Variants in DAB1 observed in about 807,000 individuals in gnomAD.
DAB1 encodes disabled homolog 1.
A neutral mutation model predicts 64.6 loss-of-function variants in DAB1; 15 were observed. The ratio of observed to expected loss-of-function variants is 0.23; its 90% confidence interval spans 0.16 to 0.36. The LOEUF (loss-of-function observed/expected upper bound fraction) is 0.36. Ranked by LOEUF, DAB1 falls within the 10% of genes least tolerant of loss-of-function variation. The probability of loss-of-function intolerance (pLI) is 1.00; values close to 1 mark genes in which losing one functional copy is unlikely to be tolerated. For synonymous variants in DAB1, 235 were observed against 251.9 expected (o/e 0.93, Z 0.64); for missense variants, 596 against 706.7 (o/e 0.84, Z 1.78).
intron 1 of DAB1, among the ~76,000 whole-genome samples, chr1:57,384,150 A>G (rs1288843012): frequency 1.3e-5 from 2 of 152,208 alleles, no homozygotes; most frequent in Non-Finnish European, 2.9e-5. Context: ...GATGCCCAAC[A>G]TCACCAATCA....
intron 4 of DAB1, among the ~76,000 whole-genome samples, chr1:57,094,122 A>G (rs1653939965): frequency 6.6e-6 from 1 of 151,662 alleles, no homozygotes; most frequent in Admixed American, 6.6e-5. Context: ...AAAAAAAAAA[A>G]AAAGGAATCT....
chr1:58,493,367 T>G (rs1645734695), intron 3 of DAB1, among the ~76,000 whole-genome samples: 1 of 152,174 alleles, frequency 6.6e-6, no homozygotes, highest in Admixed American at 6.5e-5. Flanking sequence ...AAGACAGGGA[T>G]GCCCTCTCTC....
At chr1:57,605,906 T>A (rs910491122) in intron 7 of DAB1, 11 of 678,042 alleles carry the variant, frequency 1.6e-5, no homozygotes, top group Middle Eastern at 8.4e-4. Flanking sequence ...ATGGAAGTAA[T>A]CTGCTTAACA....
At chr1:58,052,957 G>T (rs923020217) in intron 5 of DAB1, among the ~76,000 whole-genome samples, 1 of 152,128 alleles carries the variant, frequency 6.6e-6, no homozygotes, top group Non-Finnish European at 1.5e-5. Flanking sequence ...CATTATGGAA[G>T]GCAAAGAAGT....
chr1:57,877,551 T>TATAATTACAAAAGTTACACATACTCA (rs1292013391), intron 1 of DAB1, among the ~76,000 whole-genome samples: 4 of 87,112 alleles, frequency 4.6e-5, no homozygotes, highest in African/African-American at 1.0e-4. Context: ...ATTTATTTTT[T>TATAATTACAAAAGTTACACATACTCA]TTTTTTTTTT....
Position 57,145,321 on chromosome 1 carries a change from T to A in DAB1, c.176A>T (p.Lys59Met). The A allele has an allele frequency of 6.2e-7, 1 of 1,614,138 alleles. No homozygotes were observed. The highest frequency in any genetic ancestry group is 8.5e-7 in the Non-Finnish European group (1 of 1,179,982). Reference sequence around the variant, plus strand: ...TTTCATCATGGAATCTTGACATAACTTGTCTCCCCGAGCTGCGGAAACTTC... The same window carrying A: ...TTTCATCATGGAATCTTGACATAACATGTCTCCCCGAGCTGCGGAAACTTC... ...IDEVSAARGD[K>M]LCQDSMMKLK... Residue 59 changes from lysine (K) to methionine (M), a missense_variant, in exon 3 of 15, where the codon AAG becomes ATG. By Grantham distance (95) the Lys-to-Met change is moderately conservative. Transcript: ENST00000371236.
chr1:58,528,235 G>T (rs1646381935), intron 1 of DAB1, among the ~76,000 whole-genome samples: 1 of 152,256 alleles, frequency 6.6e-6, no homozygotes, highest in East Asian at 1.9e-4. Flanking sequence ...GATAACATAA[G>T]GATTTAAAAC....
At chr1:57,557,643 C>A (rs961924818) in intron 7 of DAB1, among the ~76,000 whole-genome samples, 1 of 152,036 alleles carries the variant, frequency 6.6e-6, no homozygotes, top group African/African-American at 2.4e-5. Flanking sequence ...ACTAAGGACT[C>A]TATTTCTAAT....
intron 2 of DAB1, among the ~76,000 whole-genome samples, chr1:57,217,703 A>C (rs570753964): frequency 6.6e-6 from 1 of 152,222 alleles, no homozygotes; most frequent in Admixed American, 6.5e-5. Flanking sequence ...TCCTGATAAA[A>C]CTGTTCACCC....
At chr1:57,017,002 C>G (rs181392262) in intron 11 of DAB1, among the ~76,000 whole-genome samples, 136 of 152,242 alleles carry the variant, frequency 8.9e-4, no homozygotes, top group Middle Eastern at 3.4e-3. Context: ...GTCTGTCCCC[C>G]CAAAGCCAGG....
chr1:57,413,197 C>T (rs900937573), intron 1 of DAB1, among the ~76,000 whole-genome samples: 3 of 152,154 alleles, frequency 2.0e-5, no homozygotes, highest in Non-Finnish European at 2.9e-5. Flanking sequence ...AAAAAGATTC[C>T]TTTCAAAATA....
chr1:58,460,352 T>C (rs1282298980), intron 3 of DAB1, among the ~76,000 whole-genome samples: 2 of 152,168 alleles, frequency 1.3e-5, no homozygotes, highest in African/African-American at 2.4e-5. Flanking sequence ...TGTATTTCAA[T>C]AGGATATGAC....
intron 1 of DAB1, among the ~76,000 whole-genome samples, chr1:57,346,180 T>C (rs964226064): frequency 1.3e-5 from 2 of 152,150 alleles, no homozygotes; most frequent in Non-Finnish European, 2.9e-5. Flanking sequence ...TTCATTGTAA[T>C]CAGCCCCAGT....
intron 3 of DAB1, among the ~76,000 whole-genome samples, chr1:58,432,654 C>G (rs1170222270): frequency 6.6e-6 from 1 of 152,160 alleles, no homozygotes; most frequent in Non-Finnish European, 1.5e-5. Flanking sequence ...CTGCCCCAAC[C>G]AAGAGCTCCC....
chr1:57,297,061 C>T lies in DAB1; in HGVS notation c.-136-5895G>A, dbSNP rs138695599. On this transcript the variant is annotated intron_variant, in intron 1 of 14. Transcript: ENST00000371236. ...ATGTGATACCCTGAGCAGAACATAA[C>T]ATCACTATGCAGTACTGTGTAGTGT... is the stretch of plus-strand genomic sequence containing the variant. Among the ~76,000 whole-genome samples, 85 of 152,276 alleles carry T rather than the reference C, an allele frequency of 5.6e-4. 1 individual carries two copies. The Middle Eastern group carries it at 0.01, about 18-fold the overall frequency.
intron 5 of DAB1, among the ~76,000 whole-genome samples, chr1:57,920,061 T>C (rs72666162): frequency 0.1 from 15,218 of 152,202 alleles, 1,003 homozygotes; most frequent in Middle Eastern, 0.24. Flanking sequence ...GACATTCCAA[T>C]GTAGTTAGAG....
At chr1:58,290,893 A>G (rs1557723585) in intron 4 of DAB1, among the ~76,000 whole-genome samples, 5 of 152,266 alleles carry the variant, frequency 3.3e-5, no homozygotes, top group South Asian at 2.1e-4. Flanking sequence ...CATTGCTGAG[A>G]GCTGCAGACC....
At chr1:57,328,888 C>T (rs1262898942) in intron 1 of DAB1, among the ~76,000 whole-genome samples, 5 of 152,134 alleles carry the variant, frequency 3.3e-5, no homozygotes, top group Non-Finnish European at 5.9e-5. Flanking sequence ...AATTACCAGT[C>T]ATTAGATAAA....
chr1:57,849,172 A>G (rs1653414564), intron 1 of DAB1, among the ~76,000 whole-genome samples: 1 of 152,140 alleles, frequency 6.6e-6, no homozygotes, highest in African/African-American at 2.4e-5. Context: ...CTGGAGCACT[A>G]TGTCCCCAGG....
Sources: allele counts gnomAD v4.1 joint callset (sites outside exome capture counted in the v4.1 genomes callset), GRCh38; gene constraint gnomAD v4.1.1; transcripts MANE v1.5; gene names NCBI Gene and HGNC (gene_info 2026-07-23, HGNC 2026-07-21).